Variants in SGCZ observed in about 807,000 individuals in gnomAD.
SGCZ encodes zeta-sarcoglycan.
SGCZ carries 40 observed loss-of-function variants against 41.3 expected under a neutral mutation model. The ratio of observed to expected loss-of-function variants is 0.97; its 90% CI spans 0.75 to 1.26. The LOEUF (loss-of-function observed/expected upper bound fraction) is 1.26, where lower values mean the gene tolerates loss of function less well. SGCZ is among the 50% of genes most tolerant of loss of function. The probability of loss-of-function intolerance (pLI) is 0.00; values close to 1 mark genes in which losing one functional copy is unlikely to be tolerated. For missense variants in SGCZ, 552 were observed against 369.8 expected (o/e 1.49, Z -4.04); for synonymous variants, 206 against 137.5 (o/e 1.50, Z -3.49).
rs767979164 is a variant in SGCZ at position 14,432,914 on chromosome 8, C to CAAAA, written c.235-108714_235-108711dup. 1.9e-4 allele frequency among the ~76,000 whole-genome samples: 14 copies of CAAAA among 75,602 alleles called. 2 individuals are homozygous for CAAAA. The highest frequency in any genetic ancestry group is 6.9e-4 in the African/African-American group (11 of 16,022). 49.6% of individuals were successfully genotyped at this position (75,602 alleles called of 152,430 possible). A position where few individuals can be genotyped will look rare whatever the true frequency, so the allele number is the denominator to read the frequency against. On this transcript the variant is annotated intron_variant, in intron 2 of 7. Transcript: ENST00000382080. The stretch of plus-strand genomic sequence containing the variant: ...GGGCAAAAGAGTGAGACTGTGTCTC[C>CAAAA]AAAAAAAAAAAAAAAAAAAAAAAAA...
In SGCZ at chr8:15,237,575, C is replaced by G. The variant is rs776285866; in HGVS notation, c.39+10G>C. 1 of 1,587,918 alleles carries G rather than the reference C, an allele frequency of 6.3e-7. No individual in the cohort carries two copies. The highest frequency in any genetic ancestry group is 1.3e-5 in the African/African-American group (1 of 74,422). ...AAGCGGCCGCGAAGCCCGCCCGGAC[C>G]CGCACGTACCTTGAGCTCCTCAATG... On this transcript the variant is annotated intron_variant, in intron 1 of 7. Coordinates refer to ENST00000382080, the MANE Select transcript of SGCZ (RefSeq NM_139167.4).
At chr8:14,729,053 G>T (rs1164458973) in intron 1 of SGCZ, among the ~76,000 whole-genome samples, 1 of 152,128 alleles carries the variant, frequency 6.6e-6, no homozygotes, top group Non-Finnish European at 1.5e-5. Context: ...CTTCAAGGAA[G>T]GAATCCAGTA....
At chr8:15,085,250 C>T (rs1251197481) in intron 1 of SGCZ, among the ~76,000 whole-genome samples, 1 of 152,268 alleles carries the variant, frequency 6.6e-6, no homozygotes, top group Non-Finnish European at 1.5e-5. Flanking sequence ...CTTCTATGCT[C>T]TCATTTTTAC....
rs145251654 is a variant in SGCZ at position 14,574,192 on chromosome 8, G to A, written c.40-19266C>T. Among the ~76,000 whole-genome samples the A allele has an allele frequency of 2.8e-3, 428 of 152,190 alleles. 3 individuals are homozygous for A. Among genetic ancestry groups the A allele is most frequent in the African/African-American group, 9.8e-3 (409 of 41,524 alleles). Reference sequence around the variant, plus strand: ...ATGAATAAAGAATAAGCCAAGATGCGGATGTTGGGGCTCAGAAAACGATAC... The same window carrying A: ...ATGAATAAAGAATAAGCCAAGATGCAGATGTTGGGGCTCAGAAAACGATAC... On this transcript the variant is annotated intron_variant, in intron 1 of 7. Coordinates refer to ENST00000382080, the MANE Select transcript of SGCZ (RefSeq NM_139167.4).
intron 1 of SGCZ, among the ~76,000 whole-genome samples, chr8:14,616,056 G>A (rs1211786489): frequency 6.6e-6 from 1 of 152,064 alleles, no homozygotes; most frequent in Non-Finnish European, 1.5e-5. Flanking sequence ...GGCTGAGGCG[G>A]GCAGATCACG....
intron 1 of SGCZ, among the ~76,000 whole-genome samples, chr8:14,621,528 A>T (rs542009926): frequency 4.3e-4 from 66 of 152,256 alleles, no homozygotes; most frequent in African/African-American, 1.6e-3. Flanking sequence ...CAAAAAAAGA[A>T]AATAGGTTTA....
intron 2 of SGCZ, among the ~76,000 whole-genome samples, chr8:14,498,457 T>C (rs1469625447): frequency 2.0e-5 from 3 of 152,096 alleles, no homozygotes; most frequent in Admixed American, 6.6e-5. Context: ...GGAATCTATA[T>C]TGACAACCAT....
intron 4 of SGCZ, among the ~76,000 whole-genome samples, chr8:14,208,029 A>C (rs1805674545): frequency 6.6e-6 from 1 of 152,176 alleles, no homozygotes; most frequent in Admixed American, 6.6e-5. Context: ...CTTCCCTACA[A>C]ACAGAAAATG....
intron 1 of SGCZ, among the ~76,000 whole-genome samples, chr8:14,947,320 A>C (rs1800485190): frequency 6.6e-6 from 1 of 152,216 alleles, no homozygotes; most frequent in Non-Finnish European, 1.5e-5. Context: ...CACCGTTTTT[A>C]TCAGTGGCTG....
intron 1 of SGCZ, among the ~76,000 whole-genome samples, chr8:15,063,977 C>T (rs955940589): frequency 3.9e-5 from 6 of 152,050 alleles, no homozygotes; most frequent in African/African-American, 7.2e-5. Context: ...TCTGTTATTC[C>T]GATATTTTAT....
chr8:14,981,615 T>C (rs1170927129), intron 1 of SGCZ, among the ~76,000 whole-genome samples: 1 of 152,174 alleles, frequency 6.6e-6, no homozygotes, highest in Non-Finnish European at 1.5e-5. Context: ...TAAATCCAAG[T>C]GGCTTTTTGT....
intron 3 of SGCZ, among the ~76,000 whole-genome samples, chr8:14,245,326 C>A (rs911853946): frequency 6.6e-6 from 1 of 152,014 alleles, no homozygotes; most frequent in African/African-American, 2.4e-5. Context: ...ACAAACCTGA[C>A]AAAAACAAGC....
At chr8:14,646,395 T>C (rs1031051) in intron 1 of SGCZ, among the ~76,000 whole-genome samples, 113,194 of 151,722 alleles carry the variant, frequency 0.75, 42,438 homozygotes, top group East Asian at 0.91. Flanking sequence ...TTCTTTTTCA[T>C]GGCTGCATAG....
intron 2 of SGCZ, among the ~76,000 whole-genome samples, chr8:14,363,893 G>A (rs1803612511): frequency 6.6e-6 from 1 of 152,090 alleles, no homozygotes; most frequent in South Asian, 2.1e-4. Flanking sequence ...TTTTGAAAAT[G>A]TGTATCCAGA....
intron 1 of SGCZ, among the ~76,000 whole-genome samples, chr8:14,612,789 T>C (rs763603376): frequency 1.3e-5 from 2 of 152,100 alleles, no homozygotes; most frequent in Non-Finnish European, 2.9e-5. Context: ...CAAGCTCAAA[T>C]GATTCTCCTG....
chr8:14,762,714 A>G (rs1442632735), intron 1 of SGCZ, among the ~76,000 whole-genome samples: 1 of 152,200 alleles, frequency 6.6e-6, no homozygotes, highest in Non-Finnish European at 1.5e-5. Context: ...TCTACAGTGT[A>G]TATGTTTATT....
intron 2 of SGCZ, among the ~76,000 whole-genome samples, chr8:14,478,698 C>T (rs1801433919): frequency 6.6e-6 from 1 of 152,156 alleles, no homozygotes; most frequent in African/African-American, 2.4e-5. Flanking sequence ...AGCTTAAATT[C>T]ATGATTGCAA....
At chr8:14,136,430 T>C (rs1348912353) in intron 5 of SGCZ, among the ~76,000 whole-genome samples, 5 of 152,070 alleles carry the variant, frequency 3.3e-5, no homozygotes, top group South Asian at 4.1e-4. Flanking sequence ...ACCTTGAAAA[T>C]TGGGACACTC....
chr8:14,199,993 G>C (rs1451825705), intron 4 of SGCZ, among the ~76,000 whole-genome samples: 1 of 152,064 alleles, frequency 6.6e-6, no homozygotes, highest in Non-Finnish European at 1.5e-5. Flanking sequence ...AGATGAAAAA[G>C]ACATTAAATT....
Sources: allele counts gnomAD v4.1 joint callset (sites outside exome capture counted in the v4.1 genomes callset), GRCh38; gene constraint gnomAD v4.1.1; transcripts MANE v1.5; gene names NCBI Gene and HGNC (gene_info 2026-07-23, HGNC 2026-07-21).